Variants in CACNA2D1 observed in about 807,000 individuals in gnomAD.
The protein encoded by CACNA2D1 is voltage-dependent calcium channel subunit alpha-2/delta-1.
Under a neutral mutation model 171.5 loss-of-function variants are expected in CACNA2D1, and 53 were observed. The observed-to-expected ratio is 0.31, with a 90% CI of 0.25 to 0.39. The LOEUF is 0.39. CACNA2D1 is among the 10% of genes least tolerant of loss of function. The pLI, the probability that CACNA2D1 is intolerant of heterozygous loss-of-function variation, is 1.00. For synonymous variants in CACNA2D1, 442 were observed against 443.1 expected (o/e 1.00, Z 0.03); for missense variants, 903 against 1,299.8 (o/e 0.69, Z 4.69).
intron 6 of CACNA2D1, among the ~76,000 whole-genome samples, chr7:82,085,857 T>C (rs1810415918): frequency 1.3e-5 from 2 of 152,164 alleles, no homozygotes; most frequent in African/African-American, 4.8e-5. Flanking sequence ...TAGGATATAA[T>C]ATGGGTTAAG....
chr7:82,296,656 C>T (rs2129421074), intron 3 of CACNA2D1, among the ~76,000 whole-genome samples: 1 of 152,234 alleles, frequency 6.6e-6, no homozygotes. Flanking sequence ...TGCCATCCCA[C>T]AACAAAACAG....
intron 4 of CACNA2D1, among the ~76,000 whole-genome samples, chr7:82,164,319 T>G (rs1220869157): frequency 6.6e-6 from 1 of 152,014 alleles, no homozygotes; most frequent in Non-Finnish European, 1.5e-5. Flanking sequence ...CCAAGAAGTT[T>G]ATATTTTAGC....
At position 81,948,416 on chromosome 7, in the gene CACNA2D1, A is replaced by C. The variant is rs1337802312; in HGVS notation, c.*1976T>G. 1 of 151,820 alleles carries C rather than the reference A, an allele frequency of 6.6e-6. No homozygotes were observed. The allele number at this position is 151,820 out of a possible 1,614,324, so 9.4% of individuals were successfully genotyped here. A position where few individuals can be genotyped will look rare whatever the true frequency, so the allele number is the denominator to read the frequency against. ...GAAATGGTAACTGATGTCAACTCTTAGAACAATAGTTGGCAAAGTGATTCC... is the reference window on the plus strand; with the variant it reads ...GAAATGGTAACTGATGTCAACTCTTCGAACAATAGTTGGCAAAGTGATTCC... On this transcript the variant is annotated 3_prime_UTR_variant, in exon 39 of 39. Transcript: ENST00000356860.
Position 81,974,214 on chromosome 7 carries a change from C to T in CACNA2D1, c.2053+241G>A, listed in dbSNP as rs547180004. On this transcript the variant is annotated intron_variant, in intron 25 of 38. Coordinates refer to ENST00000356860, the MANE Select transcript of CACNA2D1 (RefSeq NM_000722.4). ...AGCTAACATGAGCGTGCCATATTTA[C>T]GTTTAACCATTTGAAAGAATATATT... is the stretch of plus-strand genomic sequence containing the variant. Among the ~76,000 whole-genome samples the T allele has an allele frequency of 3.9e-5, 6 of 152,042 alleles. No homozygotes were observed. In the South Asian group the frequency reaches 6.2e-4, roughly 16 times the overall value.
At chr7:82,012,476 G>GT (rs1348995791) in intron 14 of CACNA2D1, among the ~76,000 whole-genome samples, 4 of 151,984 alleles carry the variant, frequency 2.6e-5, no homozygotes, top group Admixed American at 2.6e-4. Context: ...ATCTACCCCA[G>GT]TTTTTTTCTA....
intron 10 of CACNA2D1, among the ~76,000 whole-genome samples, chr7:82,051,377 C>T (rs960988755): frequency 1.1e-4 from 17 of 151,856 alleles, no homozygotes; most frequent in Middle Eastern, 3.4e-3. Flanking sequence ...TGCTGCTTAG[C>T]GACTACAATC....
At chr7:81,973,064 A>G (rs768450902) in intron 25 of CACNA2D1, among the ~76,000 whole-genome samples, 35 of 152,102 alleles carry the variant, frequency 2.3e-4, no homozygotes, top group Non-Finnish European at 4.4e-4. Context: ...GATATAAAAA[A>G]GAATGATTCC....
chr7:82,324,329 G>A (rs1464123901), intron 3 of CACNA2D1, among the ~76,000 whole-genome samples: 1 of 147,960 alleles, frequency 6.8e-6, no homozygotes, highest in Non-Finnish European at 1.5e-5. Context: ...TTACACTCCA[G>A]CCTGGGCAAC....
intron 25 of CACNA2D1, among the ~76,000 whole-genome samples, chr7:81,972,402 G>C (rs1795373299): frequency 6.6e-6 from 1 of 151,648 alleles, no homozygotes. Flanking sequence ...CAAAACATAG[G>C]ATAATCTTGG....
chr7:82,061,768 A>G (rs1448349233), intron 9 of CACNA2D1, among the ~76,000 whole-genome samples: 6 of 152,148 alleles, frequency 3.9e-5, no homozygotes, highest in Non-Finnish European at 7.4e-5. Flanking sequence ...GCAGGGGACT[A>G]GGATATCAGT....
chr7:82,071,537 T>C (rs556800976), intron 7 of CACNA2D1, among the ~76,000 whole-genome samples: 1 of 152,308 alleles, frequency 6.6e-6, no homozygotes, highest in South Asian at 2.1e-4. Context: ...ACATCCTACC[T>C]GATGGAGAGA....
Position 81,970,202 on chromosome 7 carries a change from G to A in CACNA2D1, c.2205-218C>T, listed in dbSNP as rs550498686. Among the ~76,000 whole-genome samples, 43 of 151,502 alleles carry A rather than the reference G, an allele frequency of 2.8e-4. No individual in the cohort carries two copies. In the South Asian group the frequency reaches 8.1e-3, roughly 28 times the overall value. ...AAAAGCTAACTCCTAGTTTTACTCC[G>A]TTGTTTACTAGTCAGGTAACAGGAC... On this transcript the variant is annotated intron_variant, in intron 27 of 38. Coordinates refer to ENST00000356860, the MANE Select transcript of CACNA2D1 (RefSeq NM_000722.4).
chr7:82,011,719 A>C (rs1584399125), intron 15 of CACNA2D1, among the ~76,000 whole-genome samples: 1 of 152,282 alleles, frequency 6.6e-6, no homozygotes, highest in East Asian at 1.9e-4. Flanking sequence ...GTTTTAGCAG[A>C]TCCAGCTATA....
chr7:82,148,931 C>T (rs996309753), intron 4 of CACNA2D1, among the ~76,000 whole-genome samples: 1 of 152,210 alleles, frequency 6.6e-6, no homozygotes, highest in Non-Finnish European at 1.5e-5. Flanking sequence ...GCCACTACAC[C>T]CGGCTGGACA....
At chr7:82,140,954 T>TTAA (rs1368347851) in intron 4 of CACNA2D1, among the ~76,000 whole-genome samples, 1,001 of 91,744 alleles carry the variant, frequency 0.011, 45 homozygotes, top group African/African-American at 0.044. Flanking sequence ...GACTCGTCTC[T>TTAA]AAAAAAAAAA....
intron 3 of CACNA2D1, among the ~76,000 whole-genome samples, chr7:82,271,638 T>C (rs1444776759): frequency 6.6e-6 from 1 of 152,064 alleles, no homozygotes; most frequent in African/African-American, 2.4e-5. Flanking sequence ...TGAAAAATAG[T>C]ACGTTGTTTT....
intron 12 of CACNA2D1, among the ~76,000 whole-genome samples, chr7:82,024,891 T>G (rs1411663140): frequency 6.6e-6 from 1 of 151,642 alleles, no homozygotes; most frequent in African/African-American, 2.4e-5. Context: ...ACACCATTTG[T>G]TGCACAATGG....
At chr7:82,008,163 C>T (rs1208261890) in intron 15 of CACNA2D1, among the ~76,000 whole-genome samples, 2 of 151,970 alleles carry the variant, frequency 1.3e-5, no homozygotes, top group Non-Finnish European at 2.9e-5. Context: ...TTTAGCTTCC[C>T]TTTTTGTAGC....
chr7:82,392,603 C>A (rs1825254490), intron 1 of CACNA2D1, among the ~76,000 whole-genome samples: 1 of 152,182 alleles, frequency 6.6e-6, no homozygotes, highest in East Asian at 1.9e-4. Flanking sequence ...TGGGGCCAAG[C>A]AAGGCCTAGG....
Sources: allele counts gnomAD v4.1 joint callset (sites outside exome capture counted in the v4.1 genomes callset), GRCh38; gene constraint gnomAD v4.1.1; transcripts MANE v1.5; gene names NCBI Gene and HGNC (gene_info 2026-07-23, HGNC 2026-07-21).